DPH6: variants seen among roughly 807,000 people sequenced by gnomAD.
The protein encoded by DPH6 is diphthamine biosynthesis 6, also known as diphthine--ammonia ligase.
A neutral mutation model predicts 38.2 loss-of-function variants in DPH6; 33 were observed. That is an observed-to-expected ratio of 0.86 (90% CI 0.65 to 1.15). The LOEUF is 1.15. DPH6 is among the 50% of genes most tolerant of loss of function. The pLI is 0.00. For synonymous variants in DPH6, 108 were observed against 103.0 expected (o/e 1.05, Z -0.30); for missense variants, 325 against 320.0 (o/e 1.02, Z -0.12).
intron 1 of DPH6, among the ~76,000 whole-genome samples, chr15:35,543,037 T>G (rs1464296442): frequency 7.3e-6 from 1 of 137,822 alleles, no homozygotes; most frequent in African/African-American, 2.7e-5. Context: ...AAAAACAAAT[T>G]CTGCTCCACC....
intron 3 of DPH6, chr15:35,521,996 C>A: frequency 4.7e-6 from 7 of 1,486,124 alleles, no homozygotes; most frequent in Non-Finnish European, 5.4e-6. Context: ...CAACTACCAG[C>A]AAGCAGAATG....
chr15:35,307,020 G>C (rs2052097584), intron 3 of DPH6, among the ~76,000 whole-genome samples: 1 of 152,120 alleles, frequency 6.6e-6, no homozygotes, highest in South Asian at 2.1e-4. Context: ...CAACTTTAGG[G>C]CTTTTATAGT....
chr15:35,159,305 C>A, the DPH6 span, among the ~76,000 whole-genome samples: 1 of 152,080 alleles, frequency 6.6e-6, no homozygotes, highest in African/African-American at 2.4e-5. Context: ...GCATCTCATT[C>A]CTTCTTGACC....
intron 8 of DPH6, among the ~76,000 whole-genome samples, chr15:35,372,785 G>C (rs2052730150): frequency 6.6e-6 from 1 of 151,828 alleles, no homozygotes; most frequent in Non-Finnish European, 1.5e-5. Context: ...GATTTCCTAT[G>C]ATGTAAAATA....
In DPH6 at chr15:35,424,317, G is replaced by A. The variant is rs139767688; in HGVS notation, c.506-13421C>T. 3.7e-3 allele frequency among the ~76,000 whole-genome samples: 562 copies of A among 151,354 alleles called. 2 individuals carry two copies. The highest frequency in any genetic ancestry group is 0.012 in the African/African-American group (510 of 41,384). ...TCCTAATTATTTTATTCTTCTTGTC[G>A]CTATTGTGAATGTGACTGTTTTCTT... On this transcript the variant is annotated intron_variant, in intron 5 of 8. Coordinates refer to ENST00000256538, the MANE Select transcript of DPH6 (RefSeq NM_080650.4).
chr15:35,338,102 A>G (rs1451306458), intron 3 of DPH6, among the ~76,000 whole-genome samples: 1 of 152,178 alleles, frequency 6.6e-6, no homozygotes, highest in Non-Finnish European at 1.5e-5. Context: ...AGGCATTACC[A>G]TTCAGGACAT....
At position 35,538,364 on chromosome 15, in the gene DPH6, T is replaced by TAA; in HGVS notation, c.221_222insTT (p.Arg75Ter). ...GTCTTGTATCCAAGCTCCTTCCTCT[T>TAA]ATGGTTCGGCGATAGAGGGGAAGAG... is the stretch of plus-strand genomic sequence containing the variant. On this transcript the variant is annotated frameshift_variant, in exon 3 of 9. Transcript: ENST00000256538. LOFTEE classifies it high-confidence loss of function. 1.2e-6 allele frequency: 2 copies of TAA among 1,611,978 alleles called. No homozygotes were observed. Among genetic ancestry groups the TAA allele is most frequent in the Non-Finnish European group, 1.7e-6 (2 of 1,178,398 alleles).
chr15:35,546,006 G>A (rs1364929612), intron 1 of DPH6, 113 bp downstream of exon 1: 3 of 997,120 alleles, frequency 3.0e-6, no homozygotes, highest in East Asian at 6.6e-5. Context: ...AGGAGCCGCG[G>A]AACCCCCAAC....
intron 5 of DPH6, among the ~76,000 whole-genome samples, chr15:35,442,030 TA>T (rs2141059423): frequency 6.6e-6 from 1 of 152,000 alleles, no homozygotes; most frequent in East Asian, 1.9e-4. Flanking sequence ...AAAAAAATGA[TA>T]AATTGGACTA....
intron 3 of DPH6, among the ~76,000 whole-genome samples, chr15:35,331,396 T>A (rs2140861559): frequency 6.6e-6 from 1 of 151,726 alleles, no homozygotes; most frequent in South Asian, 2.1e-4. Context: ...ATCTATCATC[T>A]TCCCGAAACA....
At chr15:35,281,172 C>G (rs1388031248) in intron 3 of DPH6, among the ~76,000 whole-genome samples, 2 of 151,974 alleles carry the variant, frequency 1.3e-5, no homozygotes, top group Non-Finnish European at 2.9e-5. Flanking sequence ...CCACTTCACA[C>G]ACAATTCTGA....
chr15:35,483,625 G>A (rs1472397041), intron 3 of DPH6, among the ~76,000 whole-genome samples: 2 of 152,164 alleles, frequency 1.3e-5, no homozygotes, highest in Non-Finnish European at 2.9e-5. Context: ...GTACAGTCAT[G>A]TTTGAAAACA....
intron 3 of DPH6, among the ~76,000 whole-genome samples, chr15:35,304,440 A>G (rs930063682): frequency 6.6e-6 from 1 of 152,160 alleles, no homozygotes; most frequent in African/African-American, 2.4e-5. Flanking sequence ...GCCCAGTATT[A>G]TAAACATGAT....
intron 3 of DPH6, chr15:35,521,894 C>A: frequency 7.2e-7 from 1 of 1,393,510 alleles, no homozygotes. Flanking sequence ...CATTACATTC[C>A]TTGGGATGAA....
At chr15:35,367,203 T>C (rs2052668753), downstream of DPH6, among the ~76,000 whole-genome samples, 2 of 151,828 alleles carry the variant, frequency 1.3e-5, no homozygotes, top group Admixed American at 1.3e-4. Context: ...ACATTAGTAC[T>C]TAGGAAATTA....
At chr15:35,478,677 A>G (rs1187540071) in intron 3 of DPH6, among the ~76,000 whole-genome samples, 1 of 151,924 alleles carries the variant, frequency 6.6e-6, no homozygotes, top group African/African-American at 2.4e-5. Flanking sequence ...AAACTATAAC[A>G]AGATACTAAA....
chr15:35,367,161 C>CA (rs2052668385), downstream of DPH6, among the ~76,000 whole-genome samples: 1 of 151,404 alleles, frequency 6.6e-6, no homozygotes. Context: ...ATTATTTCAA[C>CA]AAAAAATAAA....
intron 3 of DPH6, among the ~76,000 whole-genome samples, chr15:35,274,456 G>A (rs1051730350): frequency 6.6e-6 from 1 of 152,000 alleles, no homozygotes; most frequent in African/African-American, 2.4e-5. Flanking sequence ...GAGTGAACAG[G>A]CAACCTAAAG....
At chr15:35,463,591 A>C (rs759397249) in intron 3 of DPH6, among the ~76,000 whole-genome samples, 2 of 152,222 alleles carry the variant, frequency 1.3e-5, no homozygotes, top group Non-Finnish European at 2.9e-5. Flanking sequence ...CATAAAGTAC[A>C]TACTAAAATA....
Sources: gnomAD v4.1 joint callset for allele counts (sites outside exome capture counted in the v4.1 genomes callset) on GRCh38, gnomAD v4.1.1 for gene constraint, MANE v1.5 for transcripts, NCBI Gene and HGNC (gene_info 2026-07-23, HGNC 2026-07-21) for gene names.